Variants in BIRC6 observed in about 807,000 individuals in gnomAD.
BIRC6 encodes baculoviral IAP repeat containing 6.
In BIRC6, 98 loss-of-function variants were observed where a neutral mutation model predicts 503.3. That is an observed-to-expected ratio of 0.19 (90% CI 0.17 to 0.23). BIRC6 has a LOEUF of 0.23. Among genes scored for constraint, BIRC6 ranks in the 10% least tolerant of loss-of-function variants. BIRC6 has a pLI of 1.00. For missense variants in BIRC6, 5,360 were observed against 5,806.0 expected (o/e 0.92, Z 2.50); for synonymous variants, 2,240 against 2,078.7 (o/e 1.08, Z -2.11).
intron 22 of BIRC6, among the ~76,000 whole-genome samples, chr2:32,452,923 A>T (rs898408743): frequency 1.3e-5 from 2 of 152,054 alleles, no homozygotes; most frequent in Admixed American, 1.3e-4. Context: ...CCAATAAGAC[A>T]TTGGAAAACA....
At chr2:32,528,255 C>T (rs1217932755) in intron 59 of BIRC6, 2 of 151,318 alleles carry the variant, frequency 1.3e-5, no homozygotes, top group African/African-American at 4.9e-5. Context: ...CGTAGTTTCA[C>T]TCTTGTTGCC....
At position 32,611,513 on chromosome 2, in the gene BIRC6, G is replaced by T. The variant is rs773960842; in HGVS notation, c.14325G>T (p.Ala4775=). The T allele has an allele frequency of 1.2e-6, 2 of 1,610,844 alleles. No homozygotes were observed. Among genetic ancestry groups the T allele is most frequent in the Non-Finnish European group, 1.7e-6 (2 of 1,178,078 alleles). The change falls in exon 73 of 74, where the codon GCG becomes GCT. Residue 4775 remains alanine (A), a synonymous_variant. Coordinates refer to ENST00000421745, the MANE Select transcript of BIRC6 (RefSeq NM_016252.4). ...TGGCCCAATGTGAGGAGTGGATTGC[G>T]GATATCCAGCAGTACAGCAGTGATA... ...EIMAQCEEWI[A]DIQQYSSDKR...
intron 6 of BIRC6, among the ~76,000 whole-genome samples, chr2:32,400,118 T>C (rs2040433342): frequency 6.6e-6 from 1 of 152,094 alleles, no homozygotes; most frequent in Admixed American, 6.5e-5. Flanking sequence ...CTTAAACTTG[T>C]TATGTTTTTA....
chr2:32,504,898 C>A, intron 49 of BIRC6, 107 bp from the exon 50 acceptor site: 6 of 1,014,558 alleles, frequency 5.9e-6, no homozygotes, highest in Admixed American at 2.4e-5. Flanking sequence ...ATCAATTGTT[C>A]ATGTTTTCAA....
At chr2:32,400,146 G>A (rs1290124890) in intron 6 of BIRC6, among the ~76,000 whole-genome samples, 2 of 151,660 alleles carry the variant, frequency 1.3e-5, no homozygotes, top group Non-Finnish European at 2.9e-5. Context: ...ATTTCTTCTC[G>A]CTCAGTAAGC....
At chr2:32,479,723 G>T in intron 37 of BIRC6, 106 bp downstream of exon 37, 1 of 1,051,198 alleles carries the variant, frequency 9.5e-7, no homozygotes, top group Non-Finnish European at 1.3e-6. Flanking sequence ...TTTTCTATTA[G>T]TTCTTTGGCC....
At chr2:32,499,375 A>G (rs1432151037) in intron 45 of BIRC6, among the ~76,000 whole-genome samples, 172 bp from the exon 46 acceptor site, 2 of 152,232 alleles carry the variant, frequency 1.3e-5, no homozygotes, top group Non-Finnish European at 2.9e-5. Context: ...AAAGAGATGA[A>G]AACTATTAGC....
At chr2:32,406,935 C>G (rs1456788400) in intron 9 of BIRC6, among the ~76,000 whole-genome samples, 1 of 152,094 alleles carries the variant, frequency 6.6e-6, no homozygotes, top group Non-Finnish European at 1.5e-5. Flanking sequence ...AAATTATAGA[C>G]ATTAAAACAT....
intron 72 of BIRC6, among the ~76,000 whole-genome samples, chr2:32,609,285 C>CTGTGTGTGTG (rs58379253): frequency 0.24 from 34,863 of 147,468 alleles, 4,794 homozygotes; most frequent in East Asian, 0.57. Flanking sequence ...AAGTGTGGCT[C>CTGTGTGTGTG]TGTGTGTGTG....
Position 32,383,778 on chromosome 2 carries a change from C to T in BIRC6, c.645+3488C>T, listed in dbSNP as rs554741815. 5.9e-5 allele frequency among the ~76,000 whole-genome samples: 9 copies of T among 152,282 alleles called. No homozygotes were observed. In the South Asian group the frequency reaches 6.2e-4, roughly 11 times the overall value. On this transcript the variant is annotated intron_variant, in intron 3 of 73. Transcript: ENST00000421745. ...AACTCCTGACCTCAGGTGATCCAAC[C>T]GTCTTGGCCTCCCAAAGTGCTGGGA...
chr2:32,458,715 C>G (rs1343551138), intron 23 of BIRC6, among the ~76,000 whole-genome samples: 10 of 100,028 alleles, frequency 1.0e-4, no homozygotes, highest in Non-Finnish European at 1.8e-4. Context: ...TTTTCTGATA[C>G]AGAGTGAGAC....
chr2:32,464,790 T>C lies in BIRC6; in HGVS notation c.5223T>C (p.Ala1741=). 2 of 1,612,104 alleles carry C rather than the reference T, an allele frequency of 1.2e-6. No homozygotes were observed. The highest frequency in any genetic ancestry group is 1.7e-6 in the Non-Finnish European group (2 of 1,178,478). ...SVIDPPAVNL[A]AHNKNSNKSR... ...TTGATCCCCCAGCAGTCAATCTTGC[T>C]GCACATAACAAAAATTCCAACAAGT... Residue 1741 remains alanine, a synonymous_variant, in exon 25 of 74, where the codon GCT becomes GCC. Transcript: ENST00000421745.
intron 71 of BIRC6, among the ~76,000 whole-genome samples, chr2:32,603,869 A>G (rs2062239866): frequency 6.6e-6 from 1 of 151,532 alleles, no homozygotes. Context: ...TTACATCAAT[A>G]TAAATATATG....
intron 23 of BIRC6, among the ~76,000 whole-genome samples, chr2:32,460,413 A>C (rs1259463924): frequency 1.3e-5 from 2 of 148,968 alleles, no homozygotes; most frequent in Non-Finnish European, 3.0e-5. Context: ...AGTACCTGGG[A>C]TTACAGGTGC....
At chr2:32,443,364 A>T in intron 19 of BIRC6, 127 bp from the exon 20 acceptor site, 1 of 613,276 alleles carries the variant, frequency 1.6e-6, no homozygotes, top group Non-Finnish European at 2.8e-6. Context: ...ATATAGCTTT[A>T]AGGCAGGTTT....
intron 65 of BIRC6, among the ~76,000 whole-genome samples, chr2:32,555,181 A>G (rs1194315305): frequency 6.6e-6 from 1 of 152,180 alleles, no homozygotes; most frequent in Non-Finnish European, 1.5e-5. Context: ...AGTTCATATG[A>G]AACTGTCAAA....
At chr2:32,431,474 G>C (rs546226200) in intron 12 of BIRC6, among the ~76,000 whole-genome samples, 8 of 152,144 alleles carry the variant, frequency 5.3e-5, no homozygotes, top group Non-Finnish European at 1.2e-4. Flanking sequence ...GGGATTATGG[G>C]CATGAGCCAC....
chr2:32,587,211 A>G, intron 66 of BIRC6, among the ~76,000 whole-genome samples: 1 of 152,166 alleles, frequency 6.6e-6, no homozygotes, highest in East Asian at 1.9e-4. Context: ...ACATGGTGAA[A>G]CATTGTCTTT....
chr2:32,547,507 T>C (rs1462962564), intron 63 of BIRC6, among the ~76,000 whole-genome samples: 1 of 152,226 alleles, frequency 6.6e-6, no homozygotes, highest in East Asian at 1.9e-4. Flanking sequence ...TAATGTTTTC[T>C]AGGTTTATTC....
Sources: allele counts gnomAD v4.1 joint callset (sites outside exome capture counted in the v4.1 genomes callset), GRCh38; gene constraint gnomAD v4.1.1; transcripts MANE v1.5; gene names NCBI Gene and HGNC (gene_info 2026-07-23, HGNC 2026-07-21).